SPAG16: variants seen among roughly 807,000 people sequenced by gnomAD.
The protein encoded by SPAG16 is sperm associated antigen 16, also known as sperm-associated antigen 16 protein.
SPAG16 carries 86 observed loss-of-function variants against 80.4 expected under a neutral mutation model. The ratio of observed to expected loss-of-function variants is 1.07; its 90% confidence interval spans 0.90 to 1.28. The LOEUF (loss-of-function observed/expected upper bound fraction) is 1.28, where lower values mean the gene tolerates loss of function less well. Among genes scored for constraint, SPAG16 ranks in the 50% most tolerant of loss-of-function variants. The pLI, the probability that SPAG16 is intolerant of heterozygous loss-of-function variation, is 0.00. For missense variants in SPAG16, 870 were observed against 765.3 expected, an observed-to-expected ratio of 1.14 and a Z score of -1.61; for synonymous variants, 294 against 265.9, an observed-to-expected ratio of 1.11 and a Z score of -1.03.
In SPAG16 at chr2:214,044,918, C is replaced by T. The variant is rs143101132; in HGVS notation, c.1527+30841C>T. On this transcript the variant is annotated intron_variant, in intron 13 of 15. Coordinates refer to ENST00000331683, the MANE Select transcript of SPAG16 (RefSeq NM_024532.5). ...TTCTAGCAAGCCTTAACACTGTGGG[C>T]GGAAGTGCTCTGGGGCCCTAAATAA... Among the ~76,000 whole-genome samples the T allele has an allele frequency of 2.7e-3, 413 of 152,234 alleles. 1 individual carries two copies. Among genetic ancestry groups the T allele is most frequent in the African/African-American group, 9.2e-3 (383 of 41,536 alleles).
chr2:214,156,572 G>GT (rs2125590110), intron 15 of SPAG16, among the ~76,000 whole-genome samples: 1 of 152,280 alleles, frequency 6.6e-6, no homozygotes, highest in East Asian at 1.9e-4. Context: ...TTGGCCAGGA[G>GT]TTTAAGACTA....
chr2:214,012,285 TA>T lies in SPAG16; in HGVS notation c.1401-1665del, dbSNP rs1405772043. 1.7e-3 allele frequency among the ~76,000 whole-genome samples: 87 copies of T among 52,028 alleles called. 1 individual carries two copies. Among genetic ancestry groups the T allele is most frequent in the African/African-American group, 3.3e-3 (33 of 9,982 alleles). The allele number at this position is 52,028 out of a possible 152,430, so 34.1% of individuals were successfully genotyped here. On this transcript the variant is annotated intron_variant, in intron 12 of 15. Coordinates refer to ENST00000331683, the MANE Select transcript of SPAG16 (RefSeq NM_024532.5). ...ATATATATATATATATATATATATA[TA>T]TATTTTTTTTTTTTTTTTTTTTTCC...
At chr2:213,663,941 C>T (rs182041239) in intron 10 of SPAG16, among the ~76,000 whole-genome samples, 1 of 152,128 alleles carries the variant, frequency 6.6e-6, no homozygotes, top group East Asian at 1.9e-4. Flanking sequence ...TTAGTATAAA[C>T]TTAGTTTAAA....
intron 15 of SPAG16, chr2:214,239,521 A>T (rs967618883): frequency 2.0e-5 from 3 of 152,118 alleles, no homozygotes; most frequent in Admixed American, 6.5e-5. Flanking sequence ...GTGAAAGGGG[A>T]CTTCAAATTT....
chr2:213,931,157 A>G (rs909605475), intron 12 of SPAG16, among the ~76,000 whole-genome samples: 62 of 152,116 alleles, frequency 4.1e-4, no homozygotes, highest in Non-Finnish European at 1.5e-4. Flanking sequence ...CCTGCATGTG[A>G]AATTATTATT....
chr2:214,083,771 A>C (rs561203316), intron 13 of SPAG16, among the ~76,000 whole-genome samples: 2 of 152,258 alleles, frequency 1.3e-5, no homozygotes, highest in South Asian at 4.2e-4. Context: ...TTGGTATATG[A>C]AACTTGTCAC....
At chr2:214,069,701 C>A (rs2050696106) in intron 13 of SPAG16, among the ~76,000 whole-genome samples, 3 of 151,980 alleles carry the variant, frequency 2.0e-5, no homozygotes, top group Admixed American at 2.0e-4. Context: ...CCTTCTGTCA[C>A]CTTTTTTTTT....
At chr2:214,223,681 A>G (rs1007333844) in intron 15 of SPAG16, among the ~76,000 whole-genome samples, 3 of 152,122 alleles carry the variant, frequency 2.0e-5, no homozygotes, top group African/African-American at 7.2e-5. Context: ...TCAATTTTAA[A>G]TTATAATTCT....
chr2:213,551,267 A>C (rs990595779), intron 10 of SPAG16, among the ~76,000 whole-genome samples: 2 of 152,202 alleles, frequency 1.3e-5, no homozygotes, highest in African/African-American at 4.8e-5. Flanking sequence ...AGTCTGGACC[A>C]AGATAAATGT....
chr2:214,001,709 A>G (rs544917000), intron 12 of SPAG16, among the ~76,000 whole-genome samples: 8 of 152,348 alleles, frequency 5.3e-5, no homozygotes, highest in South Asian at 2.1e-4. Context: ...GATGACAGGC[A>G]TCAAACCTAA....
chr2:213,804,252 A>G (rs2071600763), intron 10 of SPAG16, among the ~76,000 whole-genome samples: 2 of 152,162 alleles, frequency 1.3e-5, no homozygotes, highest in African/African-American at 4.8e-5. Context: ...AGTGGAAGGA[A>G]GTACATGGTG....
At chr2:214,139,817 G>C (rs1432761319) in intron 14 of SPAG16, among the ~76,000 whole-genome samples, 4 of 152,102 alleles carry the variant, frequency 2.6e-5, no homozygotes, top group Non-Finnish European at 5.9e-5. Context: ...TTTCCAACCT[G>C]ACTCTAGCAT....
chr2:213,930,467 T>G (rs1431335777), intron 12 of SPAG16, among the ~76,000 whole-genome samples: 1 of 152,230 alleles, frequency 6.6e-6, no homozygotes, highest in Admixed American at 6.5e-5. Context: ...AGTTGGATTT[T>G]TAGTTCCGCT....
At chr2:213,293,803 A>G (rs922145316) in intron 1 of SPAG16, among the ~76,000 whole-genome samples, 1 of 152,232 alleles carries the variant, frequency 6.6e-6, no homozygotes, top group African/African-American at 2.4e-5. Context: ...GTTGTAATTG[A>G]CAACATTACA....
At chr2:213,929,162 C>T (rs879361790) in intron 11 of SPAG16, among the ~76,000 whole-genome samples, 15 of 151,656 alleles carry the variant, frequency 9.9e-5, no homozygotes, top group South Asian at 4.2e-4. Flanking sequence ...TACAGGCGCA[C>T]GCCACCATGC....
chr2:214,198,019 GTA>G (rs1364476291), intron 15 of SPAG16, among the ~76,000 whole-genome samples: 1 of 152,020 alleles, frequency 6.6e-6, no homozygotes, highest in Non-Finnish European at 1.5e-5. Context: ...AATAAATCGT[GTA>G]TAATCTTATA....
At chr2:213,318,791 AATACC>A (rs2063506134) in intron 5 of SPAG16, among the ~76,000 whole-genome samples, 1 of 151,974 alleles carries the variant, frequency 6.6e-6, no homozygotes, top group Non-Finnish European at 1.5e-5. Context: ...AAACTGCACT[AATACC>A]ATATTTTGTA....
intron 14 of SPAG16, among the ~76,000 whole-genome samples, chr2:214,148,678 A>G (rs1335827672): frequency 1.6e-5 from 2 of 122,852 alleles, no homozygotes; most frequent in African/African-American, 5.9e-5. Flanking sequence ...AATGCTAACT[A>G]ACTGTGAGCA....
chr2:213,539,647 C>T (rs2076363577), intron 10 of SPAG16, among the ~76,000 whole-genome samples: 1 of 152,162 alleles, frequency 6.6e-6, no homozygotes. Flanking sequence ...GAATTTAGTG[C>T]TTCACTGTGT....
Sources: allele counts gnomAD v4.1 joint callset (sites outside exome capture counted in the v4.1 genomes callset), GRCh38; gene constraint gnomAD v4.1.1; transcripts MANE v1.5; gene names NCBI Gene and HGNC (gene_info 2026-07-23, HGNC 2026-07-21).